Variants in PRUNE2 observed in about 807,000 individuals in gnomAD.
PRUNE2 encodes the protein protein prune homolog 2.
PRUNE2 carries 164 observed loss-of-function variants against 252.0 expected under a neutral mutation model. The ratio of observed to expected loss-of-function variants is 0.65; its 90% CI spans 0.57 to 0.74. PRUNE2 has a LOEUF of 0.74. Among genes scored for constraint, PRUNE2 ranks in the 30% least tolerant of loss-of-function variants. The pLI is 0.00. For synonymous variants in PRUNE2, 1,292 were observed against 1,350.2 expected (o/e 0.96, Z 0.94); for missense variants, 3,495 against 3,711.0 (o/e 0.94, Z 1.51).
Position 76,772,574 on chromosome 9 carries a change from T to A in PRUNE2, c.756+51058A>T, listed in dbSNP as rs189149167. On this transcript the variant is annotated intron_variant, in intron 6 of 18. Coordinates refer to ENST00000376718, the MANE Select transcript of PRUNE2 (RefSeq NM_015225.3). ...TGAACATGGTAAATTATTTTCTTTC[T>A]TTTTTTTAGAGACAGGGTCTTGCTT... Among the ~76,000 whole-genome samples the A allele has an allele frequency of 6.8e-4, 104 of 152,106 alleles. 1 individual carries two copies. The highest frequency in any genetic ancestry group is 5.9e-3 in the Admixed American group (90 of 15,272).
chr9:76,851,846 TA>T (rs1298482853), intron 2 of PRUNE2, among the ~76,000 whole-genome samples: 10 of 152,166 alleles, frequency 6.6e-5, no homozygotes, highest in Non-Finnish European at 1.3e-4. Context: ...GTCACAATAA[TA>T]AACTTGTTTT....
At chr9:76,731,882 A>G (rs1171372850) in intron 6 of PRUNE2, among the ~76,000 whole-genome samples, 7 of 152,182 alleles carry the variant, frequency 4.6e-5, no homozygotes, top group African/African-American at 7.2e-5. Flanking sequence ...TTGCAATTAC[A>G]TTTTGTTAGT....
intron 1 of PRUNE2, among the ~76,000 whole-genome samples, chr9:76,902,359 CTA>C (rs1589852679): frequency 6.6e-6 from 1 of 152,142 alleles, no homozygotes; most frequent in East Asian, 1.9e-4. Flanking sequence ...GAAAGCATGG[CTA>C]AAACTTAAGG....
In PRUNE2 at chr9:76,816,768, A is replaced by T. The variant is rs969688757; in HGVS notation, c.756+6864T>A. Reference sequence around the variant, plus strand: ...TAAAATTTTTCACTAACTGACTGGGATGCTCTATATTTTGAACACAAATTT... The same window carrying T: ...TAAAATTTTTCACTAACTGACTGGGTTGCTCTATATTTTGAACACAAATTT... On this transcript the variant is annotated intron_variant, in intron 6 of 18. Transcript: ENST00000376718. Among the ~76,000 whole-genome samples, 4 of 152,174 alleles carry T rather than the reference A, an allele frequency of 2.6e-5. No individual in the cohort carries two copies. The East Asian group carries it at 7.7e-4, about 29-fold the overall frequency.
intron 17 of PRUNE2, among the ~76,000 whole-genome samples, chr9:76,619,935 T>G (rs1044329235): frequency 1.3e-5 from 2 of 152,206 alleles, no homozygotes; most frequent in African/African-American, 4.8e-5. Flanking sequence ...AATCCTACCA[T>G]TTACCTCAAC....
In PRUNE2 at chr9:76,705,160, AGT is replaced by A; in HGVS notation, c.7112_7113del (p.His2371LeufsTer6). 1 of 1,614,026 alleles carries A rather than the reference AGT, an allele frequency of 6.2e-7. No individual in the cohort carries two copies. The highest frequency in any genetic ancestry group is 8.5e-7 in the Non-Finnish European group (1 of 1,179,890). On this transcript the variant is annotated frameshift_variant, in exon 8 of 19. Coordinates refer to ENST00000376718, the MANE Select transcript of PRUNE2 (RefSeq NM_015225.3). LOFTEE classifies it high-confidence loss of function. ...AAAGGAGGGTCACCACCATACAGGA[AGT>A]GTTCAGGCTCTCTCAGTAAATCTTC... The part of the protein sequence containing the change: ...IDEDLLREPE[H>X]FLYGGDPPLE...
chr9:76,894,458 C>T lies in PRUNE2; in HGVS notation c.36+11470G>A, dbSNP rs373547203. ...TGCCTTCTCAGGGAGCAGCCAGGCACGTGTCCTGTCCTCTCAGACATACCC... is the reference window on the plus strand; with the variant it reads ...TGCCTTCTCAGGGAGCAGCCAGGCATGTGTCCTGTCCTCTCAGACATACCC... On this transcript the variant is annotated intron_variant, in intron 1 of 18. Coordinates refer to ENST00000376718, the MANE Select transcript of PRUNE2 (RefSeq NM_015225.3). Among the ~76,000 whole-genome samples the T allele has an allele frequency of 3.0e-4, 45 of 152,302 alleles. 1 individual carries two copies. In the South Asian group the frequency reaches 7.2e-3, roughly 25 times the overall value.
At chr9:76,805,516 G>T (rs1282895342) in intron 6 of PRUNE2, among the ~76,000 whole-genome samples, 1 of 152,126 alleles carries the variant, frequency 6.6e-6, no homozygotes, top group African/African-American at 2.4e-5. Flanking sequence ...GATCGTCTGA[G>T]CCTGGGAGGT....
intron 1 of PRUNE2, among the ~76,000 whole-genome samples, chr9:76,854,642 G>C (rs1206589892): frequency 6.6e-6 from 1 of 152,006 alleles, no homozygotes; most frequent in Non-Finnish European, 1.5e-5. Flanking sequence ...AGTTTGGTAA[G>C]GATTTATTTT....
intron 6 of PRUNE2, among the ~76,000 whole-genome samples, chr9:76,731,324 A>ATATATATTTTT (rs1332074252): frequency 1.9e-5 from 2 of 106,794 alleles, no homozygotes; most frequent in African/African-American, 6.9e-5. Context: ...ATATATATAT[A>ATATATATTTTT]TTTTTTTTTT....
At chr9:76,672,600 A>AT in intron 9 of PRUNE2, among the ~76,000 whole-genome samples, 2 of 133,652 alleles carry the variant, frequency 1.5e-5, no homozygotes, top group South Asian at 2.7e-4. Flanking sequence ...CAGAATATAC[A>AT]TTTTTTTCAG....
intron 9 of PRUNE2, among the ~76,000 whole-genome samples, chr9:76,664,724 G>T (rs112985227): frequency 3.9e-5 from 6 of 152,254 alleles, no homozygotes; most frequent in Admixed American, 6.5e-5. Flanking sequence ...TGTTGGTCAG[G>T]CTGGTCTCCA....
chr9:76,634,417 T>C (rs1243042845), intron 15 of PRUNE2, among the ~76,000 whole-genome samples: 2 of 152,204 alleles, frequency 1.3e-5, no homozygotes, highest in Non-Finnish European at 2.9e-5. Flanking sequence ...CCTAACATAG[T>C]ATGTAAACAA....
At chr9:76,629,131 C>G (rs1390350206) in intron 16 of PRUNE2, 61 bp downstream of exon 16, 2 of 1,049,454 alleles carry the variant, frequency 1.9e-6, no homozygotes, top group East Asian at 5.0e-5. Flanking sequence ...GCGTGAGCCA[C>G]CACACCCAGC....
At position 76,781,198 on chromosome 9, in the gene PRUNE2, T is replaced by G. The variant is rs371543340; in HGVS notation, c.756+42434A>C. 2.4e-4 allele frequency among the ~76,000 whole-genome samples: 37 copies of G among 152,320 alleles called. 1 individual carries two copies. In the East Asian group the frequency reaches 6.5e-3, roughly 27 times the overall value. ...TAACCCATCTCTTTATTTGCATTGTTACCTGCTTTCCATTAACTCTTTGCC... is the reference window on the plus strand; with the variant it reads ...TAACCCATCTCTTTATTTGCATTGTGACCTGCTTTCCATTAACTCTTTGCC... On this transcript the variant is annotated intron_variant, in intron 6 of 18. Transcript: ENST00000376718.
chr9:76,850,019 G>GTGT (rs1469278575), intron 3 of PRUNE2, among the ~76,000 whole-genome samples: 3 of 151,948 alleles, frequency 2.0e-5, no homozygotes, highest in Middle Eastern at 3.4e-3. Flanking sequence ...TGCCGTTGTT[G>GTGT]TGTTGTTGTT....
intron 4 of PRUNE2, among the ~76,000 whole-genome samples, chr9:76,833,886 G>GT (rs71354685): frequency 0.36 from 50,569 of 141,184 alleles, 8,948 homozygotes; most frequent in Middle Eastern, 0.45. Flanking sequence ...GGGTTTTTTT[G>GT]TTTTTTTTTT....
intron 1 of PRUNE2, among the ~76,000 whole-genome samples, chr9:76,872,773 G>A (rs968874484): frequency 2.6e-5 from 4 of 151,994 alleles, no homozygotes; most frequent in South Asian, 2.1e-4. Flanking sequence ...GTTAAGGAAC[G>A]GATGAAACAA....
intron 1 of PRUNE2, among the ~76,000 whole-genome samples, chr9:76,896,135 G>GT (rs1564525041): frequency 6.6e-6 from 1 of 152,092 alleles, no homozygotes; most frequent in Non-Finnish European, 1.5e-5. Flanking sequence ...TTTCCCCATC[G>GT]TAAGTCATCA....
Sources: allele counts gnomAD v4.1 joint callset (sites outside exome capture counted in the v4.1 genomes callset), GRCh38; gene constraint gnomAD v4.1.1; transcripts MANE v1.5; gene names NCBI Gene and HGNC (gene_info 2026-07-23, HGNC 2026-07-21).